Variants in TPD52 observed in about 807,000 individuals in gnomAD.
TPD52 encodes the protein prostate and colon associated protein.
In TPD52, 17 loss-of-function variants were observed where a neutral mutation model predicts 31.3. That is an observed-to-expected ratio of 0.54 (90% CI 0.37 to 0.82). The LOEUF is 0.82. TPD52 is among the 40% of genes least tolerant of loss of function. The probability of loss-of-function intolerance (pLI) is 0.00; values close to 1 mark genes in which losing one functional copy is unlikely to be tolerated. For missense variants in TPD52, 212 were observed against 240.1 expected, an observed-to-expected ratio of 0.88 and a Z score of 0.77; for synonymous variants, 83 against 89.6, an observed-to-expected ratio of 0.93 and a Z score of 0.42.
chr8:80,130,730 A>C (rs960511771), intron 1 of TPD52, among the ~76,000 whole-genome samples: 1 of 152,126 alleles, frequency 6.6e-6, no homozygotes, highest in Non-Finnish European at 1.5e-5. Context: ...TTGGTGACCA[A>C]CCTTCCCTCA....
intron 1 of TPD52, among the ~76,000 whole-genome samples, chr8:80,120,937 C>G (rs938213895): frequency 2.0e-5 from 3 of 151,954 alleles, no homozygotes; most frequent in South Asian, 2.1e-4. Flanking sequence ...AAAAAATTAG[C>G]TGAGCATGGT....
intron 7 of TPD52, among the ~76,000 whole-genome samples, chr8:80,040,848 G>T (rs1428565453): frequency 6.6e-6 from 1 of 152,174 alleles, no homozygotes; most frequent in Non-Finnish European, 1.5e-5. Flanking sequence ...ATAGAAGAAT[G>T]ACTCTTATAT....
At chr8:80,127,845 CATA>C (rs1438226790) in intron 1 of TPD52, among the ~76,000 whole-genome samples, 4 of 141,164 alleles carry the variant, frequency 2.8e-5, no homozygotes, top group Admixed American at 1.4e-4. Flanking sequence ...CACAGAGATA[CATA>C]ATAAAAAATA....
At chr8:80,072,796 C>CATATATATAT (rs1465964502) in intron 1 of TPD52, among the ~76,000 whole-genome samples, 1 of 142,206 alleles carries the variant, frequency 7.0e-6, no homozygotes, top group African/African-American at 3.0e-5. Context: ...CACACACACA[C>CATATATATAT]ACATATATAT....
At chr8:80,143,743 A>C (rs1240214880) in intron 1 of TPD52, among the ~76,000 whole-genome samples, 1 of 152,232 alleles carries the variant, frequency 6.6e-6, no homozygotes, top group Non-Finnish European at 1.5e-5. Flanking sequence ...GGAACTAAGA[A>C]AGTAGAAACA....
chr8:80,171,252 C>G (rs776502294), intron 1 of TPD52, 173 bp downstream of exon 1: 1 of 832,506 alleles, frequency 1.2e-6, no homozygotes, highest in African/African-American at 1.7e-5. Context: ...CCGCTCCTTC[C>G]AGGGCCCCAG....
At chr8:80,101,894 C>T (rs115933911) in intron 1 of TPD52, among the ~76,000 whole-genome samples, 1 of 152,176 alleles carries the variant, frequency 6.6e-6, no homozygotes, top group African/African-American at 2.4e-5. Flanking sequence ...ACACCCAAAC[C>T]GTGTCAGCAG....
downstream of TPD52, among the ~76,000 whole-genome samples, chr8:80,031,466 C>G (rs1189492143): frequency 6.6e-6 from 1 of 152,206 alleles, no homozygotes; most frequent in Admixed American, 6.5e-5. Flanking sequence ...TTAATGGACT[C>G]TTGCCTAGAA....
chr8:80,164,024 CAGAGAGAGAGAGAGAG>C (rs58566558), intron 1 of TPD52, among the ~76,000 whole-genome samples: 1 of 110,224 alleles, frequency 9.1e-6, no homozygotes, highest in Admixed American at 9.8e-5. Context: ...GAGAGAGAGA[CAGAGAGAGAGAGAGAG>C]AGAGAGAGAG....
intron 1 of TPD52, among the ~76,000 whole-genome samples, chr8:80,072,798 C>CACACACACACATATATATATATATATAT: frequency 7.1e-6 from 1 of 141,084 alleles, no homozygotes; most frequent in African/African-American, 3.0e-5. Flanking sequence ...CACACACACA[C>CACACACACACATATATATATATATATAT]ATATATATAT....
At chr8:80,108,708 C>A (rs1807298386) in intron 1 of TPD52, among the ~76,000 whole-genome samples, 1 of 146,168 alleles carries the variant, frequency 6.8e-6, no homozygotes, top group South Asian at 2.2e-4. Context: ...AACTGCTATC[C>A]CGAGATCATG....
intron 1 of TPD52, among the ~76,000 whole-genome samples, chr8:80,163,337 T>C (rs1811486642): frequency 6.6e-6 from 1 of 152,200 alleles, no homozygotes. Flanking sequence ...TGAGCCCCGA[T>C]ATCATGCTAA....
chr8:80,089,549 CA>C (rs200951626), intron 1 of TPD52, among the ~76,000 whole-genome samples: 5 of 149,796 alleles, frequency 3.3e-5, no homozygotes, highest in Non-Finnish European at 5.9e-5. Flanking sequence ...CAGAGATCGT[CA>C]AAAAAAAATT....
chr8:80,098,988 A>G (rs1407984508), intron 1 of TPD52, among the ~76,000 whole-genome samples: 1 of 152,236 alleles, frequency 6.6e-6, no homozygotes, highest in African/African-American at 2.4e-5. Context: ...TCTTGGCAAT[A>G]AAGTATTTTT....
intron 1 of TPD52, among the ~76,000 whole-genome samples, chr8:80,070,305 A>T (rs2130742085): frequency 6.6e-6 from 1 of 152,166 alleles, no homozygotes; most frequent in Non-Finnish European, 1.5e-5. Flanking sequence ...ACTTTCTAAG[A>T]TTATTGATTA....
At chr8:80,071,854 C>T (rs1417846542) in intron 1 of TPD52, among the ~76,000 whole-genome samples, 3 of 152,146 alleles carry the variant, frequency 2.0e-5, no homozygotes, top group Non-Finnish European at 4.4e-5. Context: ...TGCCTTAAGT[C>T]CTTTGATGGC....
chr8:80,082,005 G>A (rs1432088103), intron 1 of TPD52, among the ~76,000 whole-genome samples: 3 of 151,884 alleles, frequency 2.0e-5, no homozygotes, highest in African/African-American at 2.4e-5. Context: ...ATGGGGTTTC[G>A]CCATGTTGGC....
chr8:80,069,409 G>A (rs1219571937), intron 1 of TPD52, among the ~76,000 whole-genome samples: 1 of 152,138 alleles, frequency 6.6e-6, no homozygotes, highest in Non-Finnish European at 1.5e-5. Context: ...GAAGCTGAAT[G>A]AGCTGTGATC....
At chr8:80,146,095 T>C (rs1032999794) in intron 1 of TPD52, among the ~76,000 whole-genome samples, 7 of 152,202 alleles carry the variant, frequency 4.6e-5, no homozygotes, top group African/African-American at 1.7e-4. Context: ...CACATCACTG[T>C]GCAGAACAGA....
Sources: allele counts gnomAD v4.1 joint callset (sites outside exome capture counted in the v4.1 genomes callset), GRCh38; gene constraint gnomAD v4.1.1; transcripts MANE v1.5; gene names NCBI Gene and HGNC (gene_info 2026-07-23, HGNC 2026-07-21).